LATS2: variants seen among roughly 807,000 people sequenced by gnomAD.
LATS2 encodes the protein large tumor suppressor kinase 2, also known as serine/threonine-protein kinase LATS2.
A neutral mutation model predicts 76.0 loss-of-function variants in LATS2; 24 were observed. The observed-to-expected ratio is 0.32, with a 90% CI of 0.23 to 0.44. LATS2 has a LOEUF of 0.44. LATS2 is among the 20% of genes least tolerant of loss of function. The pLI is 1.00. For synonymous variants in LATS2, 692 were observed against 635.4 expected, an observed-to-expected ratio of 1.09 and a Z score of -1.34; for missense variants, 1,286 against 1,481.2, an observed-to-expected ratio of 0.87 and a Z score of 2.16.
At chr13:20,979,662 A>G (rs1488548319) in intron 7 of LATS2, 29 bp downstream of exon 7, 2 of 1,249,660 alleles carry the variant, frequency 1.6e-6, no homozygotes, top group Non-Finnish European at 2.4e-6. Context: ...TGTCTACAGC[A>G]AGCAGATGCG....
chr13:21,032,844 G>T (rs773533803), intron 2 of LATS2, among the ~76,000 whole-genome samples: 6 of 152,200 alleles, frequency 3.9e-5, no homozygotes, highest in Non-Finnish European at 7.3e-5. Context: ...GACCACGGCT[G>T]GCTGGGGAAT....
At chr13:21,016,647 C>T (rs1871811237) in intron 2 of LATS2, among the ~76,000 whole-genome samples, 2 of 152,182 alleles carry the variant, frequency 1.3e-5, no homozygotes, top group South Asian at 2.1e-4. Flanking sequence ...TTACACTTCA[C>T]CCCAGCCAAC....
chr13:21,032,767 C>T (rs1213031918), intron 2 of LATS2, among the ~76,000 whole-genome samples: 3 of 152,070 alleles, frequency 2.0e-5, no homozygotes, highest in African/African-American at 7.3e-5. Context: ...AAGAACTTAG[C>T]GGGCACTGGG....
At chr13:21,051,829 C>T (rs1873282284) in intron 1 of LATS2, among the ~76,000 whole-genome samples, 1 of 151,942 alleles carries the variant, frequency 6.6e-6, no homozygotes, top group South Asian at 2.1e-4. Flanking sequence ...TGTGGAGGCA[C>T]ACCTATGGTC....
At chr13:21,060,112 T>C (rs1400004933) in intron 1 of LATS2, among the ~76,000 whole-genome samples, 1 of 152,226 alleles carries the variant, frequency 6.6e-6, no homozygotes, top group Non-Finnish European at 1.5e-5. Flanking sequence ...CTTGGCGCCC[T>C]GGTCGGGTGG....
chr13:20,989,116 G>A lies in LATS2; in HGVS notation c.664C>T (p.His222Tyr). Residue 222 changes from histidine to tyrosine, a missense_variant, in exon 4 of 8, where the codon CAC becomes TAC. This residue lies in a region of LATS2 where 710 missense variants were observed against 660.9 expected (regional missense o/e 1.07). Transcript: ENST00000382592. ...VDYLFPGVGP[H>Y]GPGHQHQHPP... ...TGCTGGTGCTGGTGGCCGGGCCCGT[G>A]GGGGCCGACTCCGGGGAAAAGGTAG... is the stretch of plus-strand genomic sequence containing the variant. 6.2e-7 allele frequency: 1 copy of A among 1,606,216 alleles called. No homozygotes were observed. Among genetic ancestry groups the A allele is most frequent in the South Asian group, 1.1e-5 (1 of 90,768 alleles).
chr13:21,018,328 C>T (rs962515441), intron 2 of LATS2, among the ~76,000 whole-genome samples: 10 of 152,176 alleles, frequency 6.6e-5, no homozygotes, highest in African/African-American at 2.4e-4. Context: ...GGGTGTTGGG[C>T]GAGGTATGTG....
At chr13:21,007,738 A>G (rs56407647) in intron 2 of LATS2, among the ~76,000 whole-genome samples, 3,207 of 4,550 alleles carry the variant, frequency 0.7, 1,460 homozygotes, top group South Asian at 0.94. Context: ...TATATATAGT[A>G]TATATATATA....
chr13:21,045,407 AG>A (rs1873034554), intron 2 of LATS2, among the ~76,000 whole-genome samples: 1 of 152,226 alleles, frequency 6.6e-6, no homozygotes, highest in African/African-American at 2.4e-5. Flanking sequence ...CCACAAGAAC[AG>A]ATCAGAAAAT....
At chr13:20,985,556 T>C (rs1019708373) in intron 4 of LATS2, among the ~76,000 whole-genome samples, 25 of 151,582 alleles carry the variant, frequency 1.6e-4, no homozygotes, top group African/African-American at 5.8e-4. Context: ...CTGACTAACA[T>C]GGTGAAACCC....
rs1007389662 is a variant in LATS2 at position 21,028,133 on chromosome 13, T to C, written c.342+17552A>G. On this transcript the variant is annotated intron_variant, in intron 2 of 7. Coordinates refer to ENST00000382592, the MANE Select transcript of LATS2 (RefSeq NM_014572.3). ...TGTGATGTTCTCCTTCCTGTGTCCA[T>C]GTGTTCTCATTGTTCAATTCCCATC... Among the ~76,000 whole-genome samples the C allele has an allele frequency of 7.2e-5, 11 of 152,110 alleles. No individual in the cohort carries two copies. In the East Asian group the frequency reaches 9.7e-4, roughly 13 times the overall value.
intron 2 of LATS2, among the ~76,000 whole-genome samples, chr13:21,030,449 C>T (rs1872476566): frequency 6.6e-6 from 1 of 151,674 alleles, no homozygotes; most frequent in Admixed American, 6.6e-5. Flanking sequence ...ATTAGCCAGC[C>T]GTGGTGGCGG....
chr13:21,023,696 G>A (rs570349690), intron 2 of LATS2, among the ~76,000 whole-genome samples: 10 of 140,278 alleles, frequency 7.1e-5, no homozygotes, highest in African/African-American at 1.1e-4. Context: ...AACCTCGGCC[G>A]GGCGCAGTGG....
Position 20,973,667 on chromosome 13 carries a change from A to G in LATS2, c.*1203T>C, listed in dbSNP as rs1869442888. On this transcript the variant is annotated 3_prime_UTR_variant, in exon 8 of 8. Coordinates refer to ENST00000382592, the MANE Select transcript of LATS2 (RefSeq NM_014572.3). ...ATTGTTTAAACCAAGTTAAGATTTG[A>G]TACTTCAAAGTACACTAAAAGAACA... 1 of 231,044 alleles carries G rather than the reference A, an allele frequency of 4.3e-6. No homozygotes were observed. The highest frequency in any genetic ancestry group is 8.6e-6 in the Non-Finnish European group (1 of 116,564). The allele number at this position is 231,044 out of a possible 1,614,324, so 14.3% of individuals were successfully genotyped here.
chr13:21,025,217 TAAAAA>T (rs11357046), intron 2 of LATS2, among the ~76,000 whole-genome samples: 1 of 134,930 alleles, frequency 7.4e-6, no homozygotes. Context: ...CCGTCTCTAC[TAAAAA>T]AAAAAAAAAA....
chr13:20,976,277 T>G (rs965458022), intron 7 of LATS2, among the ~76,000 whole-genome samples: 1 of 152,120 alleles, frequency 6.6e-6, no homozygotes, highest in Non-Finnish European at 1.5e-5. Flanking sequence ...TGGAAGTTAG[T>G]GGGTGTGTGG....
At chr13:21,004,149 C>T (rs1054597590) in intron 2 of LATS2, among the ~76,000 whole-genome samples, 17 of 152,070 alleles carry the variant, frequency 1.1e-4, no homozygotes, top group Non-Finnish European at 1.5e-4. Flanking sequence ...GCTTCTGTAA[C>T]GGTGGCTGGG....
chr13:21,044,391 C>T (rs1595254474), intron 2 of LATS2, among the ~76,000 whole-genome samples: 1 of 152,158 alleles, frequency 6.6e-6, no homozygotes. Context: ...CAGAAGTGCT[C>T]AGGCCATTCT....
intron 2 of LATS2, among the ~76,000 whole-genome samples, chr13:21,032,458 G>A (rs953838134): frequency 5.9e-5 from 9 of 152,044 alleles, no homozygotes; most frequent in Non-Finnish European, 8.8e-5. Flanking sequence ...GTAGAGACGG[G>A]TTTTCGCCAT....
Sources: allele counts gnomAD v4.1 joint callset (sites outside exome capture counted in the v4.1 genomes callset), GRCh38; gene constraint gnomAD v4.1.1; regional missense constraint gnomAD v4.1.1; transcripts MANE v1.5; gene names NCBI Gene and HGNC (gene_info 2026-07-23, HGNC 2026-07-21).